Variants in TONSL observed in about 807,000 individuals in gnomAD.
The protein encoded by TONSL is tonsoku like, DNA repair protein.
TONSL carries 112 observed loss-of-function variants against 147.1 expected under a neutral mutation model. The ratio of observed to expected loss-of-function variants is 0.76; its 90% confidence interval spans 0.65 to 0.89. The LOEUF (loss-of-function observed/expected upper bound fraction) is 0.89, where lower values mean the gene tolerates loss of function less well. TONSL is among the 40% of genes least tolerant of loss of function. The pLI, the probability that TONSL is intolerant of heterozygous loss-of-function variation, is 0.00. For missense variants in TONSL, 1,883 were observed against 1,864.6 expected (o/e 1.01, Z -0.18); for synonymous variants, 868 against 801.5 (o/e 1.08, Z -1.40).
rs200607990 is a variant in TONSL, at chr8:144,435,859, C to T, written c.2574G>A (p.Arg858=). 66 of 1,607,666 alleles carry T rather than the reference C, an allele frequency of 4.1e-5. No individual in the cohort carries two copies. The highest frequency in any genetic ancestry group is 4.6e-5 in the Non-Finnish European group (54 of 1,175,868). The part of the protein sequence containing the change: ...PRPRGTGDNR[R]PSSTSGSDSE... ...TGTCCGACCCAGAGGTACTACTGGG[C>T]CTGCGGTTGTCTCCAGTGCCCCGGG... The change falls in exon 17 of 26, where the codon AGG becomes AGA. Residue 858 remains arginine (R), a synonymous_variant. Coordinates refer to ENST00000409379, the MANE Select transcript of TONSL (RefSeq NM_013432.5).
In TONSL at chr8:144,436,000, C is replaced by A. The variant is rs750734946; in HGVS notation, c.2433G>T (p.Pro811=). The A allele has an allele frequency of 3.9e-6, 6 of 1,551,308 alleles. No homozygotes were observed. Among genetic ancestry groups the A allele is most frequent in the East Asian group, 2.3e-5 (1 of 43,254 alleles). The part of the protein sequence containing the change: ...SAQSRLGPGP[P]RGHSKALAPQ... ...GGGCAAGGGCTTTGCTGTGGCCCCGCGGTGGGCCAGGCCCCAGCCGGCTCT... is the reference window on the plus strand; with the variant it reads ...GGGCAAGGGCTTTGCTGTGGCCCCGAGGTGGGCCAGGCCCCAGCCGGCTCT... Residue 811 remains proline, a synonymous_variant, in exon 17 of 26, where the codon CCG becomes CCT. Transcript: ENST00000409379.
At chr8:144,430,243 C>T (rs1564725247) in intron 25 of TONSL, among the ~76,000 whole-genome samples, 161 bp downstream of exon 25, 1 of 152,190 alleles carries the variant, frequency 6.6e-6, no homozygotes, top group Non-Finnish European at 1.5e-5. Flanking sequence ...TGCCCCTTTT[C>T]TGTCACTGTC....
rs375119170 is a variant in TONSL at position 144,442,452 on chromosome 8, C to A, written c.579-40G>T. ...CGACCACTGAGCACCCAGGAGTGTC[C>A]ATGACAGCTGCTGATGCCACACGGG... On this transcript the variant is annotated intron_variant, in intron 5 of 25. Coordinates refer to ENST00000409379, the MANE Select transcript of TONSL (RefSeq NM_013432.5). 13 of 1,514,152 alleles carry A rather than the reference C, an allele frequency of 8.6e-6. 1 individual carries two copies. The African/African-American group carries it at 1.5e-4, about 18-fold the overall frequency. 93.8% of individuals were successfully genotyped at this position (1,514,152 alleles called of 1,614,324 possible).
rs1472382347 is a variant in TONSL, at chr8:144,444,363, GGAGGAAGGGGTCCCC to G, written c.25+12_25+26del. ...AGCCCTCCCCAGCCTCCGCGCCCCC[GGAGGAAGGGGTCCCC>G]GAGGAACTTACGGCGAAGCTCGCGC... On this transcript the variant is annotated intron_variant, in intron 1 of 25. Coordinates refer to ENST00000409379, the MANE Select transcript of TONSL (RefSeq NM_013432.5). 7.8e-7 allele frequency: 1 copy of G among 1,282,532 alleles called. No homozygotes were observed. Among genetic ancestry groups the G allele is most frequent in the Non-Finnish European group, 9.9e-7 (1 of 1,012,550 alleles). The allele number at this position is 1,282,532 out of a possible 1,614,324, so 79.4% of individuals were successfully genotyped here.
rs1330752743 is a variant in TONSL at position 144,435,261 on chromosome 8, C to G, written c.2853-91G>C. 124 of 1,422,972 alleles carry G rather than the reference C, an allele frequency of 8.7e-5. 2 individuals carry two copies. The highest frequency in any genetic ancestry group is 1.0e-4 in the Non-Finnish European group (114 of 1,085,802). 88.1% of individuals were successfully genotyped at this position (1,422,972 alleles called of 1,614,324 possible). A position where few individuals can be genotyped will look rare whatever the true frequency, so the allele number is the denominator to read the frequency against. ...CATCCCTGCCCAGGGCCAGAAGCCC[C>G]CTCAGCTGCTTCTCCCATTCCCAGG... On this transcript the variant is annotated intron_variant, in intron 18 of 25. Coordinates refer to ENST00000409379, the MANE Select transcript of TONSL (RefSeq NM_013432.5).
At chr8:144,435,233 C>T (rs563101598) in intron 18 of TONSL, 63 bp from the exon 19 acceptor site, 34 of 1,438,370 alleles carry the variant, frequency 2.4e-5, no homozygotes, top group South Asian at 1.6e-4. Flanking sequence ...CCCAGGGACC[C>T]GCCATCCCTG....
At chr8:144,444,096 A>G in intron 2 of TONSL, 72 bp from the exon 3 acceptor site, 1 of 1,326,808 alleles carries the variant, frequency 7.5e-7, no homozygotes, top group Non-Finnish European at 9.6e-7. Flanking sequence ...CGTCTGCCGG[A>G]AGAGCCCGTC....
At chr8:144,434,738 G>T in intron 20 of TONSL, 73 bp downstream of exon 20, 1 of 1,522,770 alleles carries the variant, frequency 6.6e-7, no homozygotes. Flanking sequence ...GGAATGAACC[G>T]GGCTGGTGGA....
chr8:144,431,766 G>T (rs1422888862), intron 23 of TONSL, among the ~76,000 whole-genome samples: 4 of 151,746 alleles, frequency 2.6e-5, no homozygotes, highest in Non-Finnish European at 5.9e-5. Flanking sequence ...GCCCGCCTCG[G>T]CCTCCCAAAG....
rs782505910 is a variant in TONSL at position 144,430,413 on chromosome 8, C to G, written c.3934G>C (p.Gly1312Arg). The stretch of plus-strand genomic sequence containing the variant: ...CCATACCAGCACTCACCTGACAGGC[C>G]AAGGAAGCTAAGGCCTTGGGGCCGC... ...QKRPQGLSFLGLSGCAVQGPL... is the reference protein window; with the variant it reads ...QKRPQGLSFLRLSGCAVQGPL... The change falls in exon 25 of 26, where the codon GGC (glycine) becomes CGC (arginine). Residue 1312 changes from glycine to arginine, a missense_variant. Physicochemically the swap from Gly to Arg is moderately radical, Grantham distance 125. Coordinates refer to ENST00000409379, the MANE Select transcript of TONSL (RefSeq NM_013432.5). The G allele has an allele frequency of 5.0e-6, 8 of 1,607,940 alleles. No homozygotes were observed. The South Asian group carries it at 7.8e-5, about 16-fold the overall frequency.
chr8:144,441,974 C>T, intron 7 of TONSL, 63 bp downstream of exon 7: 1 of 1,482,644 alleles, frequency 6.7e-7, no homozygotes, highest in Non-Finnish European at 9.4e-7. Context: ...CGGGACTCCA[C>T]CCCGCCCCCA....
Position 144,440,487 on chromosome 8 carries a change from A to G in TONSL, c.1165-11T>C, listed in dbSNP as rs1823668334. On this transcript the variant is annotated splice_polypyrimidine_tract_variant and intron_variant, in intron 9 of 25. Transcript: ENST00000409379. Reference sequence around the variant, plus strand: ...CCAGGTCTTGGCCTCCTGGAGCAGGAGGAAGGACAGGGTCGGGGGCTGCCG... The same window carrying G: ...CCAGGTCTTGGCCTCCTGGAGCAGGGGGAAGGACAGGGTCGGGGGCTGCCG... 7 of 1,587,760 alleles carry G rather than the reference A, an allele frequency of 4.4e-6. No homozygotes were observed. The highest frequency in any genetic ancestry group is 6.0e-6 in the Non-Finnish European group (7 of 1,163,344).
rs201580314 is a variant in TONSL, at chr8:144,441,992, C to T, written c.865+45G>A. ...GACTCCACCCCGCCCCCAGGCTCAC[C>T]CCTGCACACACCTCCCAGGGCCCCA... On this transcript the variant is annotated intron_variant, in intron 7 of 25. Coordinates refer to ENST00000409379, the MANE Select transcript of TONSL (RefSeq NM_013432.5). 1.2e-5 allele frequency: 19 copies of T among 1,568,958 alleles called. No homozygotes were observed. In the Admixed American group the frequency reaches 2.2e-4, roughly 18 times the overall value.
chr8:144,438,440 A>T (rs1404141670), intron 13 of TONSL, 31 bp downstream of exon 13: 1 of 1,605,864 alleles, frequency 6.2e-7, no homozygotes, highest in East Asian at 2.2e-5. Flanking sequence ...CATGCTAGGC[A>T]GCCTGTCCCA....
In TONSL at chr8:144,434,113, G is replaced by C. The variant is rs782124780; in HGVS notation, c.3252C>G (p.Asp1084Glu). Residue 1084 changes from aspartate to glutamate, a missense_variant, in exon 21 of 26, where the codon GAC becomes GAG. By Grantham distance (45) the Asp-to-Glu change is conservative. Coordinates refer to ENST00000409379, the MANE Select transcript of TONSL (RefSeq NM_013432.5). ...CAGCCACCAGCTCAGCCACACACTT[G>C]TCCCCCAGCCGGTTCCCTGCCAGGC... ...ELRLAGNRLG[D>E]KCVAELVAAL... 6.2e-7 allele frequency: 1 copy of C among 1,612,162 alleles called. No homozygotes were observed. The highest frequency in any genetic ancestry group is 2.2e-5 in the East Asian group (1 of 44,852).
intron 7 of TONSL, 172 bp downstream of exon 7, chr8:144,441,865 C>A: frequency 1.7e-6 from 1 of 588,798 alleles, no homozygotes; most frequent in Non-Finnish European, 3.0e-6. Context: ...CTTCTCCTGT[C>A]AGGAAGTAGG....
In TONSL at chr8:144,436,937, G is replaced by GT. The variant is rs1564731067; in HGVS notation, c.1727-18dup. The GT allele has an allele frequency of 6.2e-7, 1 of 1,610,042 alleles. No homozygotes were observed. Among genetic ancestry groups the GT allele is most frequent in the Non-Finnish European group, 8.5e-7 (1 of 1,179,010 alleles). On this transcript the variant is annotated splice_polypyrimidine_tract_variant and intron_variant, in intron 14 of 25. Transcript: ENST00000409379. ...GGACAATTTCTGCAGACCAGGAGAC[G>GT]TAAGCCCAGCTCCCGATGCCCCGCC...
chr8:144,431,746 C>G (rs1291176702), intron 23 of TONSL, among the ~76,000 whole-genome samples: 1 of 151,898 alleles, frequency 6.6e-6, no homozygotes, highest in Non-Finnish European at 1.5e-5. Flanking sequence ...ATCTCCTGAC[C>G]TCGTGATCCG....
At chr8:144,430,857 G>A (rs555214053) in intron 24 of TONSL, among the ~76,000 whole-genome samples, 15 of 152,330 alleles carry the variant, frequency 9.8e-5, no homozygotes, top group African/African-American at 3.4e-4. Context: ...GGACACCCCC[G>A]GAGGAGTGCT....
Sources: gnomAD v4.1 joint callset for allele counts (sites outside exome capture counted in the v4.1 genomes callset) on GRCh38, gnomAD v4.1.1 for gene constraint, MANE v1.5 for transcripts, NCBI Gene and HGNC (gene_info 2026-07-23, HGNC 2026-07-21) for gene names.